Variants in GRIP1 observed in about 807,000 individuals in gnomAD.
GRIP1 encodes glutamate receptor interacting protein 1.
A neutral mutation model predicts 129.9 loss-of-function variants in GRIP1; 45 were observed. The observed-to-expected ratio is 0.35, with a 90% confidence interval of 0.27 to 0.44. The LOEUF is 0.44. Among genes scored for constraint, GRIP1 ranks in the 20% least tolerant of loss-of-function variants. The pLI is 1.00. For synonymous variants in GRIP1, 530 were observed against 520.8 expected, an observed-to-expected ratio of 1.02 and a Z score of -0.24; for missense variants, 1,196 against 1,396.8, an observed-to-expected ratio of 0.86 and a Z score of 2.29.
intron 7 of GRIP1, among the ~76,000 whole-genome samples, chr12:66,471,202 T>G (rs1284559572): frequency 6.6e-6 from 1 of 152,188 alleles, no homozygotes; most frequent in Non-Finnish European, 1.5e-5. Flanking sequence ...CACAAAAATC[T>G]TGAGGCTGTT....
chr12:66,828,740 G>A (rs1242339403), intron 1 of GRIP1, among the ~76,000 whole-genome samples: 1 of 152,198 alleles, frequency 6.6e-6, no homozygotes, highest in Non-Finnish European at 1.5e-5. Context: ...CCTTCTGAGA[G>A]TCGCACTATA....
chr12:66,571,456 C>G (rs2062955494), intron 2 of GRIP1, among the ~76,000 whole-genome samples: 1 of 152,082 alleles, frequency 6.6e-6, no homozygotes, highest in Non-Finnish European at 1.5e-5. Context: ...ATACATACTT[C>G]CTGAAAATGT....
intron 22 of GRIP1, among the ~76,000 whole-genome samples, chr12:66,373,059 C>T (rs1221610272): frequency 6.6e-6 from 1 of 152,078 alleles, no homozygotes; most frequent in African/African-American, 2.4e-5. Flanking sequence ...ATGGGGTAGG[C>T]ACTGTTACTT....
intron 1 of GRIP1, among the ~76,000 whole-genome samples, chr12:66,754,545 T>C (rs924152086): frequency 2.0e-5 from 3 of 152,198 alleles, no homozygotes; most frequent in Non-Finnish European, 4.4e-5. Flanking sequence ...CTATGAGCCA[T>C]TCTGACTCCT....
rs768350935 is a variant in GRIP1, at chr12:66,445,512, G to C, written c.1355-4C>G. 2.4e-5 allele frequency: 38 copies of C among 1,607,464 alleles called. No individual in the cohort carries two copies. The highest frequency in any genetic ancestry group is 4.4e-5 in the South Asian group (4 of 90,646). ...ACTGTGCTGGAGGCTAAGGACACTA[G>C]AGGAACAAACAGAAAATACTGACTT... On this transcript the variant is annotated splice_polypyrimidine_tract_variant and splice_region_variant and intron_variant, in intron 11 of 24. Coordinates refer to ENST00000359742, the MANE Select transcript of GRIP1 (RefSeq NM_001366722.1).
chr12:66,453,350 G>A (rs1411288950), intron 11 of GRIP1, among the ~76,000 whole-genome samples: 1 of 152,150 alleles, frequency 6.6e-6, no homozygotes, highest in African/African-American at 2.4e-5. Context: ...TCCCTGCTGA[G>A]TGCTGTTAGC....
chr12:66,833,646 A>G, intron 1 of GRIP1, among the ~76,000 whole-genome samples: 1 of 152,144 alleles, frequency 6.6e-6, no homozygotes, highest in East Asian at 1.9e-4. Context: ...CTTATCACCA[A>G]CTTCAAACTG....
chr12:66,480,059 G>A (rs1009757197), intron 7 of GRIP1, among the ~76,000 whole-genome samples: 7 of 152,170 alleles, frequency 4.6e-5, no homozygotes, highest in African/African-American at 1.7e-4. Flanking sequence ...AGTATTGGAA[G>A]TTCTGGCCAG....
chr12:66,369,015 T>C lies in GRIP1; in HGVS notation c.3012+2679A>G, dbSNP rs117024795. Among the ~76,000 whole-genome samples the C allele has an allele frequency of 3.5e-3, 526 of 152,348 alleles. 2 individuals are homozygous for C. Among genetic ancestry groups the C allele is most frequent in the Middle Eastern group, 6.8e-3 (2 of 294 alleles). On this transcript the variant is annotated intron_variant, in intron 23 of 24. Transcript: ENST00000359742. ...TATCTGGCCACAGGCATCTCAGCTA[T>C]ATCTTCACTTAACTAGGTCATTTTA...
intron 7 of GRIP1, among the ~76,000 whole-genome samples, chr12:66,493,128 C>T (rs752214857): frequency 2.0e-5 from 3 of 152,136 alleles, no homozygotes; most frequent in Non-Finnish European, 4.4e-5. Flanking sequence ...ATACATCATG[C>T]CATTTTCTTG....
In GRIP1 at chr12:66,965,624, C is replaced by T. The variant is rs115915777; in HGVS notation, c.58+103426G>A. 6.0e-3 allele frequency among the ~76,000 whole-genome samples: 876 copies of T among 146,878 alleles called. 13 individuals are homozygous for T. Among genetic ancestry groups the T allele is most frequent in the African/African-American group, 0.021 (834 of 39,312 alleles). ...GATATTATTACTAAAATGGGACTAA[C>T]GGATTTTCAAGGTTCATTTTGAGAA... On this transcript the variant is annotated intron_variant, in intron 1 of 1. Coordinates refer to the GRIP1 transcript ENST00000643019.
intron 1 of GRIP1, among the ~76,000 whole-genome samples, chr12:66,625,639 C>A (rs2029926820): frequency 6.6e-6 from 1 of 151,990 alleles, no homozygotes; most frequent in Non-Finnish European, 1.5e-5. Flanking sequence ...CCAACATAAG[C>A]AGTTTTAAAG....
intron 1 of GRIP1, among the ~76,000 whole-genome samples, chr12:66,725,709 G>T (rs2036232869): frequency 2.0e-5 from 3 of 152,002 alleles, no homozygotes; most frequent in Non-Finnish European, 4.4e-5. Context: ...ATTTTACATT[G>T]CACTCCAGTA....
intron 1 of GRIP1, among the ~76,000 whole-genome samples, chr12:67,064,588 A>G (rs905072021): frequency 6.6e-6 from 1 of 152,022 alleles, no homozygotes; most frequent in African/African-American, 2.4e-5. Flanking sequence ...TCTTTTACCT[A>G]CTTTGTTCCT....
intron 14 of GRIP1, among the ~76,000 whole-genome samples, chr12:66,422,932 CG>C (rs1467391124): frequency 6.6e-6 from 1 of 152,120 alleles, no homozygotes; most frequent in East Asian, 1.9e-4. Flanking sequence ...ATGCATGGTC[CG>C]GGGGCCCAGT....
At chr12:66,723,262 TCCTTCCTTCCTTCCTTCCTTCC>T (rs2036133756) in intron 1 of GRIP1, among the ~76,000 whole-genome samples, 4 of 10,366 alleles carry the variant, frequency 3.9e-4, no homozygotes, top group African/African-American at 2.1e-3. Flanking sequence ...CTTCCTTCCT[TCCTTCCTTCCTTCCTTCCTTCC>T]TTTCTTTCTT....
At chr12:66,363,894 G>A (rs1453751623) in intron 23 of GRIP1, among the ~76,000 whole-genome samples, 1 of 152,150 alleles carries the variant, frequency 6.6e-6, no homozygotes, top group African/African-American at 2.4e-5. Context: ...AAGTTCCGGT[G>A]ATCCACTAAA....
chr12:66,529,152 G>A (rs867060767), intron 5 of GRIP1, among the ~76,000 whole-genome samples: 21 of 152,084 alleles, frequency 1.4e-4, no homozygotes, highest in African/African-American at 3.4e-4. Context: ...AAATGTTGAC[G>A]TGGATGCAGT....
chr12:66,370,471 A>T (rs1312067665), intron 23 of GRIP1, among the ~76,000 whole-genome samples: 1 of 152,204 alleles, frequency 6.6e-6, no homozygotes, highest in Non-Finnish European at 1.5e-5. Flanking sequence ...TTGCAAAACA[A>T]ATAGCTAGGT....
Sources: allele counts gnomAD v4.1 joint callset (sites outside exome capture counted in the v4.1 genomes callset), GRCh38; gene constraint gnomAD v4.1.1; transcripts MANE v1.5; gene names NCBI Gene and HGNC (gene_info 2026-07-23, HGNC 2026-07-21).